TNNI1: variants seen among roughly 807,000 people sequenced by gnomAD.
TNNI1 encodes the protein troponin I, slow skeletal muscle.
TNNI1 carries 14 observed loss-of-function variants against 26.7 expected under a neutral mutation model. The ratio of observed to expected loss-of-function variants is 0.52; its 90% confidence interval spans 0.35 to 0.82. The LOEUF (loss-of-function observed/expected upper bound fraction) is 0.82, where lower values mean the gene tolerates loss of function less well. Among genes scored for constraint, TNNI1 ranks in the 40% least tolerant of loss-of-function variants. The pLI is 0.01. For synonymous variants in TNNI1, 79 were observed against 98.2 expected, an observed-to-expected ratio of 0.80 and a Z score of 1.16; for missense variants, 164 against 257.0, an observed-to-expected ratio of 0.64 and a Z score of 2.47.
intron 3 of TNNI1, 66 bp from the exon 4 acceptor site, chr1:201,415,320 G>A (rs1558282416): frequency 1.3e-6 from 2 of 1,549,628 alleles, no homozygotes; most frequent in Non-Finnish European, 8.9e-7. Flanking sequence ...TTCTGGTCTA[G>A]GACAAGACAA....
In TNNI1 at chr1:201,411,570, C is replaced by G; in HGVS notation, c.280-37G>C. ...AAGCGCCCGGGGCTCACTGGAGAGGCAGCTAGCCACAGGACACCCTTCCTG... is the reference window on the plus strand; with the variant it reads ...AAGCGCCCGGGGCTCACTGGAGAGGGAGCTAGCCACAGGACACCCTTCCTG... On this transcript the variant is annotated intron_variant, in intron 6 of 8. Coordinates refer to ENST00000361379, the MANE Select transcript of TNNI1 (RefSeq NM_003281.4). This position sits in a 1 kb window ranked among gnomAD's most constrained non-coding sequence, Gnocchi z 4.6. 1 of 1,509,066 alleles carries G rather than the reference C, an allele frequency of 6.6e-7. No individual in the cohort carries two copies. Among genetic ancestry groups the G allele is most frequent in the South Asian group, 1.3e-5 (1 of 75,742 alleles). The allele number at this position is 1,509,066 out of a possible 1,614,324, so 93.5% of individuals were successfully genotyped here.
At chr1:201,413,148 G>T (rs1487259910) in intron 5 of TNNI1, 27 bp from the exon 6 acceptor site, 1 of 1,612,638 alleles carries the variant, frequency 6.2e-7, no homozygotes, top group Non-Finnish European at 8.5e-7. Context: ...GATCATGCAG[G>T]TGTGAAGAAG....
rs1352722791 is a variant in TNNI1, at chr1:201,405,847, C to A, written c.*3406G>T. On this transcript the variant is annotated 3_prime_UTR_variant, in exon 9 of 9. Coordinates refer to ENST00000361379, the MANE Select transcript of TNNI1 (RefSeq NM_003281.4). ...CATTCCTACCAAGCAGAGAGGAGCA[C>A]CAGGCCCATCTCCACCAGCTGCAGA... 1 of 152,384 alleles carries A rather than the reference C, an allele frequency of 6.6e-6. No individual in the cohort carries two copies. The highest frequency in any genetic ancestry group is 1.5e-5 in the Non-Finnish European group (1 of 68,212). The allele number at this position is 152,384 out of a possible 1,614,324, so 9.4% of individuals were successfully genotyped here. A position where few individuals can be genotyped will look rare whatever the true frequency, so the allele number is the denominator to read the frequency against.
intron 8 of TNNI1, chr1:201,409,843 A>G (rs1662598649): frequency 6.5e-6 from 1 of 152,854 alleles, no homozygotes; most frequent in African/African-American, 2.4e-5. Flanking sequence ...CAAATAAAGG[A>G]CATCACCAGG....
intron 4 of TNNI1, among the ~76,000 whole-genome samples, chr1:201,415,012 G>A (rs1196749367): frequency 6.6e-6 from 1 of 152,260 alleles, no homozygotes; most frequent in East Asian, 1.9e-4. Context: ...GCGGATGCCA[G>A]AATCCATACT....
chr1:201,407,966 C>A lies in TNNI1; in HGVS notation c.*1287G>T, dbSNP rs1662552994. On this transcript the variant is annotated 3_prime_UTR_variant, in exon 9 of 9. Coordinates refer to ENST00000361379, the MANE Select transcript of TNNI1 (RefSeq NM_003281.4). Reference sequence around the variant, plus strand: ...GTTGAAGCAGGAGAATCGCTTGAACCTGGGAGGCGGAGGTTGCAGTGAGTC... The same window carrying A: ...GTTGAAGCAGGAGAATCGCTTGAACATGGGAGGCGGAGGTTGCAGTGAGTC... The A allele has an allele frequency of 6.6e-6, 1 of 151,420 alleles. No individual in the cohort carries two copies. Among genetic ancestry groups the A allele is most frequent in the Non-Finnish European group, 1.5e-5 (1 of 68,040 alleles). 9.4% of individuals were successfully genotyped at this position (151,420 alleles called of 1,614,324 possible). A position where few individuals can be genotyped will look rare whatever the true frequency, so the allele number is the denominator to read the frequency against.
intron 4 of TNNI1, 23 bp from the exon 5 acceptor site, chr1:201,414,672 G>A: frequency 6.2e-7 from 1 of 1,606,884 alleles, no homozygotes; most frequent in Non-Finnish European, 8.5e-7. Context: ...CACCTGCTGA[G>A]CTGGGGGCCT....
At chr1:201,419,135 A>T (rs772390955) in intron 1 of TNNI1, among the ~76,000 whole-genome samples, 1 of 152,210 alleles carries the variant, frequency 6.6e-6, no homozygotes, top group Non-Finnish European at 1.5e-5. Flanking sequence ...AAAAAAAGTC[A>T]AACAAACAAA....
rs201145849 is a variant in TNNI1 at position 201,414,580 on chromosome 1, G to T, written c.127C>A (p.Arg43Ser). 1.5e-5 allele frequency: 25 copies of T among 1,613,748 alleles called. No individual in the cohort carries two copies. The East Asian group carries it at 3.3e-4, about 22-fold the overall frequency. Residue 43 changes from arginine to serine, a missense_variant, in exon 5 of 9, where the codon CGC becomes AGC. Physicochemically the swap from Arg to Ser is moderately radical, Grantham distance 110. This residue lies in a region of TNNI1 where 117 missense variants were observed against 158.7 expected (regional missense o/e 0.74). Coordinates refer to ENST00000361379, the MANE Select transcript of TNNI1 (RefSeq NM_003281.4). ...GTGGGGATGCGCTCTGCCAGGTAGC[G>T]CACCTTCTCAGCCTCGCGCTCCTCG... Reference protein sequence around the residue: ...EHEEREAEKVRYLAERIPTLQ... With the variant: ...EHEEREAEKVSYLAERIPTLQ...
intron 1 of TNNI1, 148 bp from the exon 2 acceptor site, chr1:201,417,960 C>G: frequency 1.9e-6 from 1 of 515,432 alleles, no homozygotes; most frequent in Non-Finnish European, 3.1e-6. Flanking sequence ...CAAGATGGGA[C>G]AGGGTTGCAG....
At chr1:201,417,918 G>A in intron 1 of TNNI1, 106 bp from the exon 2 acceptor site, 1 of 819,648 alleles carries the variant, frequency 1.2e-6, no homozygotes, top group Non-Finnish European at 1.7e-6. Flanking sequence ...AACACAAAAG[G>A]AAGAAATCAG....
intron 3 of TNNI1, among the ~76,000 whole-genome samples, chr1:201,415,948 A>G (rs746875320): frequency 3.3e-5 from 5 of 152,078 alleles, no homozygotes; most frequent in African/African-American, 1.2e-4. Context: ...AACTAATGAG[A>G]CTGTGATGCC....
intron 5 of TNNI1, among the ~76,000 whole-genome samples, chr1:201,413,325 A>T (rs1018656667): frequency 2.0e-5 from 3 of 152,170 alleles, no homozygotes; most frequent in African/African-American, 7.2e-5. Flanking sequence ...ATGATTTCTT[A>T]AAAAATAGTA....
intron 4 of TNNI1, among the ~76,000 whole-genome samples, chr1:201,414,976 G>T (rs887125259): frequency 1.3e-5 from 2 of 152,180 alleles, no homozygotes; most frequent in African/African-American, 2.4e-5. Context: ...TCTGAAGCTG[G>T]TCACCACCTA....
Position 201,411,506 on chromosome 1 carries a change from C to T in TNNI1, c.307G>A (p.Asp103Asn). 1 of 1,606,284 alleles carries T rather than the reference C, an allele frequency of 6.2e-7. No homozygotes were observed. The highest frequency in any genetic ancestry group is 8.5e-7 in the Non-Finnish European group (1 of 1,176,826). The change falls in exon 7 of 9, where the codon GAC (aspartate) becomes AAC (asparagine). Residue 103 changes from aspartate to asparagine, a missense_variant. Physicochemically the swap from Asp to Asn is conservative, Grantham distance 23 (BLOSUM62 1). Coordinates refer to ENST00000361379, the MANE Select transcript of TNNI1 (RefSeq NM_003281.4). This position sits in a 1 kb window ranked among gnomAD's most constrained non-coding sequence, Gnocchi z 4.6. ...EIKDLKLKVM[D>N]LRGKFKRPPL... Reference sequence around the variant, plus strand: ...GGGCGCTTGAACTTCCCACGGAGGTCCATCACCTTCAGCTTCAGGTCCTTA... The same window carrying T: ...GGGCGCTTGAACTTCCCACGGAGGTTCATCACCTTCAGCTTCAGGTCCTTA...
At position 201,408,014 on chromosome 1, in the gene TNNI1, G is replaced by A. The variant is rs1662554577; in HGVS notation, c.*1239C>T. 1 of 148,910 alleles carries A rather than the reference G, an allele frequency of 6.7e-6. No individual in the cohort carries two copies. The highest frequency in any genetic ancestry group is 6.7e-5 in the Admixed American group (1 of 14,830). The allele number at this position is 148,910 out of a possible 1,614,324, so 9.2% of individuals were successfully genotyped here. On this transcript the variant is annotated 3_prime_UTR_variant, in exon 9 of 9. Transcript: ENST00000361379. ...GTCGAGATCGCGTCACTGCACTCCA[G>A]CCTGGGTGACACAGCGAGACTCCAT... is the stretch of plus-strand genomic sequence containing the variant.
rs914715145 is a variant in TNNI1 at position 201,404,522 on chromosome 1, GAAGT to G, written c.*4727_*4730del. ...TTGTGCTGCCACCATTTTATTTTGT[GAAGT>G]AAGAGCATTAGAAAACAATTGCCAC... On this transcript the variant is annotated 3_prime_UTR_variant, in exon 9 of 9. Coordinates refer to ENST00000361379, the MANE Select transcript of TNNI1 (RefSeq NM_003281.4). 1 of 152,158 alleles carries G rather than the reference GAAGT, an allele frequency of 6.6e-6. No individual in the cohort carries two copies. Among genetic ancestry groups the G allele is most frequent in the African/African-American group, 2.4e-5 (1 of 41,422 alleles). 9.4% of individuals were successfully genotyped at this position (152,158 alleles called of 1,614,324 possible).
intron 8 of TNNI1, chr1:201,410,070 C>A (rs1039454310): frequency 2.0e-5 from 8 of 402,230 alleles, no homozygotes; most frequent in Admixed American, 4.0e-5. Flanking sequence ...ACTTGGAGAA[C>A]CACTGATTTG....
intron 6 of TNNI1, 109 bp downstream of exon 6, chr1:201,412,923 C>A: frequency 9.1e-7 from 1 of 1,104,336 alleles, no homozygotes; most frequent in South Asian, 1.3e-5. Context: ...GCTTAAGTGG[C>A]CCCTTCCTAG....
Sources: gnomAD v4.1 joint callset for allele counts (sites outside exome capture counted in the v4.1 genomes callset) on GRCh38, gnomAD v4.1.1 for gene constraint, gnomAD v4.1.1 regional missense constraint, Gnocchi (gnomAD v3.1) non-coding constraint, MANE v1.5 for transcripts, NCBI Gene and HGNC (gene_info 2026-07-23, HGNC 2026-07-21) for gene names.